PDZD2: variants seen among roughly 807,000 people sequenced by gnomAD.
The protein encoded by PDZD2 is PDZ domain-containing protein 2.
A neutral mutation model predicts 220.7 loss-of-function variants in PDZD2; 90 were observed. That is an observed-to-expected ratio of 0.41 (90% confidence interval 0.34 to 0.49). The LOEUF is 0.49. Ranked by LOEUF, PDZD2 falls within the 20% of genes least tolerant of loss-of-function variation. PDZD2 has a pLI of 0.28. For synonymous variants in PDZD2, 1,375 were observed against 1,450.5 expected (o/e 0.95, Z 1.18); for missense variants, 3,174 against 3,608.5 (o/e 0.88, Z 3.08).
At chr5:31,748,240 A>AT (rs141414629) in intron 1 of PDZD2, among the ~76,000 whole-genome samples, 27,085 of 152,134 alleles carry the variant, frequency 0.18, 2,667 homozygotes, top group East Asian at 0.33. Flanking sequence ...CGACATATTC[A>AT]TTTTTTTGTT....
chr5:31,981,457 A>C (rs1324035287), intron 2 of PDZD2, among the ~76,000 whole-genome samples: 1 of 152,162 alleles, frequency 6.6e-6, no homozygotes, highest in African/African-American at 2.4e-5. Context: ...GTGAAAGCTC[A>C]CTATGAGATG....
At position 31,849,990 on chromosome 5, in the gene PDZD2, AT is replaced by A. The variant is rs1580888422; in HGVS notation, c.476+50267del. Among the ~76,000 whole-genome samples, 40 of 27,990 alleles carry A rather than the reference AT, an allele frequency of 1.4e-3. 12 individuals carry two copies. The highest frequency in any genetic ancestry group is 1.5e-3 in the Admixed American group (4 of 2,752). The allele number at this position is 27,990 out of a possible 152,430, so 18.4% of individuals were successfully genotyped here. A position where few individuals can be genotyped will look rare whatever the true frequency, so the allele number is the denominator to read the frequency against. On this transcript the variant is annotated intron_variant, in intron 2 of 24. Transcript: ENST00000438447. ...CATATATATATATACATATATATAT[AT>A]ACACATATATATATATACACACACA...
At position 31,715,296 on chromosome 5, in the gene PDZD2, T is replaced by G. The variant is rs139648055; in HGVS notation, c.-361+75859T>G. On this transcript the variant is annotated intron_variant, in intron 1 of 24. Coordinates refer to ENST00000438447, the MANE Select transcript of PDZD2 (RefSeq NM_178140.4). ...CTTCAAGATTAGATTGGTTCTTCCCTGGAGACAAACACACATGGCTGACAT... is the reference window on the plus strand; with the variant it reads ...CTTCAAGATTAGATTGGTTCTTCCCGGGAGACAAACACACATGGCTGACAT... Among the ~76,000 whole-genome samples, 1,002 of 152,296 alleles carry G rather than the reference T, an allele frequency of 6.6e-3. 7 individuals carry two copies. The highest frequency in any genetic ancestry group is 0.024 in the Middle Eastern group (7 of 294).
chr5:31,680,125 T>C (rs1299637608), intron 1 of PDZD2, among the ~76,000 whole-genome samples: 1 of 152,230 alleles, frequency 6.6e-6, no homozygotes, highest in Non-Finnish European at 1.5e-5. Flanking sequence ...CCTCACTCAT[T>C]CATTTGCTCT....
At chr5:32,029,879 G>A (rs1330734455) in intron 6 of PDZD2, among the ~76,000 whole-genome samples, 1 of 152,240 alleles carries the variant, frequency 6.6e-6, no homozygotes, top group Non-Finnish European at 1.5e-5. Flanking sequence ...AAGGCAGGTT[G>A]ATGAGGAAAA....
At chr5:31,956,545 TC>T (rs1211630699) in intron 2 of PDZD2, among the ~76,000 whole-genome samples, 51 of 118,172 alleles carry the variant, frequency 4.3e-4, no homozygotes, top group Admixed American at 3.6e-4. Flanking sequence ...AGACTCTGTC[TC>T]AAAAAAAAAA....
At chr5:31,877,451 T>C (rs1054671703) in intron 2 of PDZD2, among the ~76,000 whole-genome samples, 4 of 152,018 alleles carry the variant, frequency 2.6e-5, no homozygotes, top group Non-Finnish European at 5.9e-5. Context: ...ACTCCTGAGC[T>C]CAAGTTATCT....
chr5:31,960,842 T>G (rs1748157959), intron 2 of PDZD2, among the ~76,000 whole-genome samples: 2 of 152,236 alleles, frequency 1.3e-5, no homozygotes, highest in Non-Finnish European at 2.9e-5. Flanking sequence ...TATTTTATGC[T>G]ATGTAATATT....
chr5:31,802,551 C>G (rs1289352517), intron 2 of PDZD2, among the ~76,000 whole-genome samples: 1 of 152,108 alleles, frequency 6.6e-6, no homozygotes, highest in African/African-American at 2.4e-5. Context: ...GGGAATAGAC[C>G]AGTGGGATTC....
At chr5:31,856,427 CAAG>C (rs1046747654) in intron 2 of PDZD2, among the ~76,000 whole-genome samples, 37 of 150,816 alleles carry the variant, frequency 2.5e-4, no homozygotes, top group Non-Finnish European at 3.8e-4. Context: ...ACAAAAGAAA[CAAG>C]AAAGGGAAAG....
At chr5:32,062,472 C>T (rs573046417) in intron 14 of PDZD2, among the ~76,000 whole-genome samples, 103 of 151,460 alleles carry the variant, frequency 6.8e-4, no homozygotes, top group Middle Eastern at 3.4e-3. Context: ...TGGCTCACTG[C>T]AACCTCGACT....
intron 1 of PDZD2, among the ~76,000 whole-genome samples, chr5:31,773,913 A>G (rs1436307990): frequency 6.6e-6 from 1 of 152,078 alleles, no homozygotes; most frequent in Admixed American, 6.5e-5. Context: ...AGAGTGATCT[A>G]CCCGCTTTAC....
chr5:31,889,402 A>G (rs369495137), intron 2 of PDZD2, among the ~76,000 whole-genome samples: 1 of 152,188 alleles, frequency 6.6e-6, no homozygotes, highest in South Asian at 2.1e-4. Flanking sequence ...AAATAGTTCA[A>G]GTTGGCCATT....
intron 7 of PDZD2, among the ~76,000 whole-genome samples, chr5:32,043,785 G>T (rs947564481): frequency 6.6e-6 from 1 of 151,966 alleles, no homozygotes; most frequent in Non-Finnish European, 1.5e-5. Context: ...AGGCTACCAC[G>T]CCTGGCTAAT....
At chr5:31,945,762 C>T (rs1389946607) in intron 2 of PDZD2, among the ~76,000 whole-genome samples, 1 of 152,032 alleles carries the variant, frequency 6.6e-6, no homozygotes, top group East Asian at 1.9e-4. Flanking sequence ...CCTGGGTCTC[C>T]TCCCCCAGGA....
rs534713611 is a variant in PDZD2 at position 31,849,302 on chromosome 5, C to T, written c.476+49578C>T. The stretch of plus-strand genomic sequence containing the variant: ...AATTAGGACTCCAGCATTTATTAGC[C>T]GTGTTACTTAACCTCTTTGTGACTC... On this transcript the variant is annotated intron_variant, in intron 2 of 24. Coordinates refer to ENST00000438447, the MANE Select transcript of PDZD2 (RefSeq NM_178140.4). Among the ~76,000 whole-genome samples, 6 of 152,142 alleles carry T rather than the reference C, an allele frequency of 3.9e-5. No homozygotes were observed. The East Asian group carries it at 7.7e-4, about 20-fold the overall frequency.
chr5:31,850,634 C>CTTT (rs1202109766), intron 2 of PDZD2, among the ~76,000 whole-genome samples: 66 of 118,312 alleles, frequency 5.6e-4, no homozygotes, highest in African/African-American at 1.3e-3. Flanking sequence ...TACCCAAATT[C>CTTT]TTTTTTTTTT....
At chr5:31,802,970 G>A (rs1394086457) in intron 2 of PDZD2, among the ~76,000 whole-genome samples, 2 of 149,304 alleles carry the variant, frequency 1.3e-5, no homozygotes, top group East Asian at 2.0e-4. Flanking sequence ...TGGCTGTCAC[G>A]AAGTCTCAGA....
intron 1 of PDZD2, among the ~76,000 whole-genome samples, chr5:31,683,388 A>G (rs1168305496): frequency 6.6e-6 from 1 of 152,176 alleles, no homozygotes; most frequent in South Asian, 2.1e-4. Flanking sequence ...ACATTCCAAG[A>G]AGTATAAAGA....
Sources: gnomAD v4.1 joint callset for allele counts (sites outside exome capture counted in the v4.1 genomes callset) on GRCh38, gnomAD v4.1.1 for gene constraint, MANE v1.5 for transcripts, NCBI Gene and HGNC (gene_info 2026-07-23, HGNC 2026-07-21) for gene names.